NAALADL2: variants seen among roughly 807,000 people sequenced by gnomAD.
The protein encoded by NAALADL2 is N-acetylated alpha-linked acidic dipeptidase like 2.
A neutral mutation model predicts 87.2 loss-of-function variants in NAALADL2; 76 were observed. The ratio of observed to expected loss-of-function variants is 0.87; its 90% CI spans 0.72 to 1.05. NAALADL2 has a LOEUF of 1.05. Ranked by LOEUF, NAALADL2 falls within the 50% of genes least tolerant of loss-of-function variation. NAALADL2 has a pLI of 0.00. For missense variants in NAALADL2, 1,089 were observed against 945.8 expected (o/e 1.15, Z -1.99); for synonymous variants, 354 against 331.0 (o/e 1.07, Z -0.75).
At chr3:175,317,377 C>G (rs905149658) in intron 4 of NAALADL2, among the ~76,000 whole-genome samples, 1 of 151,784 alleles carries the variant, frequency 6.6e-6, no homozygotes, top group Non-Finnish European at 1.5e-5. Context: ...ATTCCCATAT[C>G]CCTTTCCTCT....
chr3:175,639,127 C>T (rs944911731), intron 11 of NAALADL2, among the ~76,000 whole-genome samples: 9 of 151,972 alleles, frequency 5.9e-5, no homozygotes, highest in Admixed American at 1.3e-4. Flanking sequence ...TTTTCAGTGA[C>T]GCCATAAAGC....
intron 1 of NAALADL2, among the ~76,000 whole-genome samples, chr3:175,064,793 G>GA (rs1178976609): frequency 6.6e-6 from 1 of 152,074 alleles, no homozygotes; most frequent in Non-Finnish European, 1.5e-5. Flanking sequence ...AGGGGCCAGT[G>GA]AAAACTCTCT....
intron 5 of NAALADL2, among the ~76,000 whole-genome samples, chr3:175,349,146 AAG>A (rs748786337): frequency 1.3e-5 from 2 of 151,682 alleles, no homozygotes; most frequent in Non-Finnish European, 2.9e-5. Flanking sequence ...ATAAGAATGA[AAG>A]AGAGAGAGAG....
chr3:174,839,771 A>C (rs1387463305), intron 3 of NAALADL2, among the ~76,000 whole-genome samples: 3 of 152,164 alleles, frequency 2.0e-5, no homozygotes, highest in Admixed American at 2.0e-4. Context: ...ATTATCAAGG[A>C]AATGCAAATC....
At chr3:175,064,619 A>G (rs1381508449) in intron 1 of NAALADL2, among the ~76,000 whole-genome samples, 2 of 152,138 alleles carry the variant, frequency 1.3e-5, no homozygotes, top group Non-Finnish European at 2.9e-5. Flanking sequence ...TTGGGAAACA[A>G]ACACTCTGAC....
In NAALADL2 at chr3:174,575,919, C is replaced by T. The variant is rs145525942; in HGVS notation, c.-115+25282C>T. 1.6e-3 allele frequency among the ~76,000 whole-genome samples: 241 copies of T among 152,162 alleles called. 1 individual carries two copies. The highest frequency in any genetic ancestry group is 5.5e-3 in the African/African-American group (229 of 41,508). On this transcript the variant is annotated intron_variant, in intron 2 of 3. Transcript: ENST00000434257. ...TGCTCTTGTTGCCCAGGCTGGAGTG[C>T]AATGTGCGATCTCGGCTCACAGCAA...
At chr3:175,564,514 A>G (rs1008564295) in intron 9 of NAALADL2, among the ~76,000 whole-genome samples, 7 of 152,184 alleles carry the variant, frequency 4.6e-5, no homozygotes, top group African/African-American at 1.7e-4. Context: ...TGCTGACACC[A>G]TATTATTTAA....
intron 13 of NAALADL2, among the ~76,000 whole-genome samples, chr3:175,779,691 G>A (rs1750749143): frequency 6.6e-6 from 1 of 152,106 alleles, no homozygotes; most frequent in Non-Finnish European, 1.5e-5. Flanking sequence ...TGAAAATTAA[G>A]GTTTCTTGAA....
chr3:174,556,760 A>G (rs1187173630), intron 2 of NAALADL2, among the ~76,000 whole-genome samples: 4 of 152,024 alleles, frequency 2.6e-5, no homozygotes, highest in African/African-American at 9.7e-5. Flanking sequence ...TTTTTTCTAG[A>G]AACAGAGTCT....
intron 3 of NAALADL2, among the ~76,000 whole-genome samples, chr3:174,746,412 T>G (rs1734255472): frequency 6.6e-6 from 1 of 152,144 alleles, no homozygotes; most frequent in Non-Finnish European, 1.5e-5. Context: ...TACAAACCAC[T>G]GCTCAAGGAA....
intron 1 of NAALADL2, among the ~76,000 whole-genome samples, chr3:175,052,388 C>G (rs1755527893): frequency 6.6e-6 from 1 of 152,106 alleles, no homozygotes; most frequent in Admixed American, 6.5e-5. Context: ...TGTGGGGGGG[C>G]CTGTTTCCCA....
At chr3:175,349,265 A>T (rs1763481782) in intron 5 of NAALADL2, among the ~76,000 whole-genome samples, 1 of 151,836 alleles carries the variant, frequency 6.6e-6, no homozygotes, top group Non-Finnish European at 1.5e-5. Flanking sequence ...GACTGAGGAA[A>T]GCAGTTGAAC....
intron 3 of NAALADL2, among the ~76,000 whole-genome samples, chr3:174,852,946 C>T (rs937202790): frequency 8.6e-5 from 13 of 151,986 alleles, no homozygotes; most frequent in African/African-American, 3.1e-4. Flanking sequence ...TTGCCAAGAA[C>T]ATGAATTGGG....
At chr3:175,702,046 A>G (rs1297262336) in intron 11 of NAALADL2, among the ~76,000 whole-genome samples, 2 of 152,140 alleles carry the variant, frequency 1.3e-5, no homozygotes, top group Non-Finnish European at 2.9e-5. Flanking sequence ...CAACTCCAAT[A>G]TTTATTTACT....
chr3:175,227,907 TA>T (rs1744391446), intron 2 of NAALADL2, among the ~76,000 whole-genome samples: 1 of 151,962 alleles, frequency 6.6e-6, no homozygotes, highest in African/African-American at 2.4e-5. Context: ...AATAAAATTT[TA>T]AACGGCATCA....
intron 11 of NAALADL2, among the ~76,000 whole-genome samples, chr3:175,716,873 T>C (rs1741375135): frequency 6.6e-6 from 1 of 152,206 alleles, no homozygotes; most frequent in Non-Finnish European, 1.5e-5. Context: ...ACTTACTTTC[T>C]GGTCCATAGT....
At chr3:175,760,831 G>A (rs891155916) in intron 13 of NAALADL2, among the ~76,000 whole-genome samples, 4 of 152,110 alleles carry the variant, frequency 2.6e-5, no homozygotes, top group African/African-American at 9.7e-5. Context: ...TGGTAAACCT[G>A]TGCATTCCCA....
chr3:175,365,281 T>G (rs559695472), intron 5 of NAALADL2, among the ~76,000 whole-genome samples: 1 of 147,580 alleles, frequency 6.8e-6, no homozygotes, highest in African/African-American at 2.5e-5. Flanking sequence ...AATTTGTTTT[T>G]ACATATTAAT....
chr3:175,361,025 C>A (rs1414810731), intron 5 of NAALADL2, among the ~76,000 whole-genome samples: 3 of 151,812 alleles, frequency 2.0e-5, no homozygotes, highest in South Asian at 2.1e-4. Flanking sequence ...CCACTCCCCC[C>A]ACCCCACAAC....
Sources: gnomAD v4.1 joint callset for allele counts (sites outside exome capture counted in the v4.1 genomes callset) on GRCh38, gnomAD v4.1.1 for gene constraint, MANE v1.5 for transcripts, NCBI Gene and HGNC (gene_info 2026-07-23, HGNC 2026-07-21) for gene names.